The following PICALM variants were observed in gnomAD, a reference collection of about 807,000 sequenced individuals.
The protein encoded by PICALM is phosphatidylinositol binding clathrin assembly protein, also known as phosphatidylinositol-binding clathrin assembly protein.
A neutral mutation model predicts 80.5 loss-of-function variants in PICALM; 40 were observed. The observed-to-expected ratio is 0.50, with a 90% CI of 0.39 to 0.65. The LOEUF is 0.65. Ranked by LOEUF, PICALM falls within the 30% of genes least tolerant of loss-of-function variation. The probability of loss-of-function intolerance (pLI) is 0.00; values close to 1 mark genes in which losing one functional copy is unlikely to be tolerated. For missense variants in PICALM, 676 were observed against 778.9 expected, an observed-to-expected ratio of 0.87 and a Z score of 1.57; for synonymous variants, 288 against 260.3, an observed-to-expected ratio of 1.11 and a Z score of -1.02.
chr11:86,038,058 G>A (rs1486344577), intron 1 of PICALM, among the ~76,000 whole-genome samples: 2 of 152,220 alleles, frequency 1.3e-5, no homozygotes, highest in Admixed American at 6.5e-5. Context: ...GGAGGCTTAC[G>A]CCTATAATCC....
At position 85,958,476 on chromosome 11, in the gene PICALM, T is replaced by C. The variant is rs1456060240; in HGVS notation, c.*570A>G. 1 of 209,258 alleles carries C rather than the reference T, an allele frequency of 4.8e-6. No homozygotes were observed. Among genetic ancestry groups the C allele is most frequent in the Non-Finnish European group, 9.7e-6 (1 of 102,774 alleles). The allele number at this position is 209,258 out of a possible 1,614,324, so 13.0% of individuals were successfully genotyped here. ...AGGAGGTCTGATACAATATTAATGT[T>C]ATGTAAAATTGATAATCATAAATAA... On this transcript the variant is annotated 3_prime_UTR_variant, in exon 20 of 20. Transcript: ENST00000393346.
At chr11:85,994,455 G>A (rs867532779) in intron 12 of PICALM, among the ~76,000 whole-genome samples, 26 of 152,092 alleles carry the variant, frequency 1.7e-4, no homozygotes, top group African/African-American at 4.8e-4. Context: ...TCTATGACTA[G>A]GAATGCGCAT....
At chr11:86,023,265 C>T (rs187880340) in intron 3 of PICALM, among the ~76,000 whole-genome samples, 32 of 152,078 alleles carry the variant, frequency 2.1e-4, no homozygotes, top group African/African-American at 7.0e-4. Flanking sequence ...AAAGACAATA[C>T]CAAAACCAAC....
intron 7 of PICALM, among the ~76,000 whole-genome samples, chr11:86,010,298 C>A (rs2095369101): frequency 6.6e-6 from 1 of 151,610 alleles, no homozygotes; most frequent in African/African-American, 2.4e-5. Context: ...ATAATAAATA[C>A]ACAAAATCCA....
intron 19 of PICALM, among the ~76,000 whole-genome samples, chr11:85,964,843 C>A (rs1490534883): frequency 6.6e-6 from 1 of 152,166 alleles, no homozygotes; most frequent in Non-Finnish European, 1.5e-5. Flanking sequence ...CTAAAGTGTG[C>A]AAAATTAAAA....
In PICALM at chr11:86,057,553, T is replaced by TATAA. The variant is rs571649995; in HGVS notation, c.130+11094_130+11097dup. Among the ~76,000 whole-genome samples, 153 of 148,782 alleles carry TATAA rather than the reference T, an allele frequency of 1.0e-3. 1 individual carries two copies. Among genetic ancestry groups the TATAA allele is most frequent in the Middle Eastern group, 3.4e-3 (1 of 290 alleles). ...ACTCCATCTCAAAAACAAACAAACATATAAATAAATAAATAAATAATGAAT... is the reference window on the plus strand; with the variant it reads ...ACTCCATCTCAAAAACAAACAAACATATAAATAAATAAATAAATAAATAATGAAT... On this transcript the variant is annotated intron_variant, in intron 1 of 19. Coordinates refer to ENST00000393346, the MANE Select transcript of PICALM (RefSeq NM_007166.4).
chr11:86,049,523 TG>T (rs1218218329), intron 1 of PICALM, among the ~76,000 whole-genome samples: 1 of 152,138 alleles, frequency 6.6e-6, no homozygotes, highest in African/African-American at 2.4e-5. Context: ...AACTGTTAAT[TG>T]GAGAAATTCA....
At chr11:85,972,881 G>A (rs2094153403) in intron 19 of PICALM, among the ~76,000 whole-genome samples, 1 of 152,096 alleles carries the variant, frequency 6.6e-6, no homozygotes, top group Non-Finnish European at 1.5e-5. Flanking sequence ...AACAGATAGG[G>A]AAATCATCCA....
rs1490789896 is a variant in PICALM, at chr11:85,957,790, T to TGG, written c.*1255_*1256insCC. On this transcript the variant is annotated 3_prime_UTR_variant, in exon 20 of 20. Coordinates refer to ENST00000393346, the MANE Select transcript of PICALM (RefSeq NM_007166.4). ...GCAGAGACAATGCAACAAGAATGCTTAAACTCATGTACAGAATTGCTTTCC... is the reference window on the plus strand; with the variant it reads ...GCAGAGACAATGCAACAAGAATGCTTGGAAACTCATGTACAGAATTGCTTTCC... 1 of 218,942 alleles carries TGG rather than the reference T, an allele frequency of 4.6e-6. No homozygotes were observed. The highest frequency in any genetic ancestry group is 9.2e-6 in the Non-Finnish European group (1 of 108,836). The allele number at this position is 218,942 out of a possible 1,614,324, so 13.6% of individuals were successfully genotyped here.
chr11:85,990,201 T>A (rs747386350), intron 13 of PICALM, 49 bp downstream of exon 13: 20 of 1,061,174 alleles, frequency 1.9e-5, no homozygotes, highest in African/African-American at 7.9e-5. Context: ...TAAAATATAG[T>A]TAGGCAGTAT....
At position 86,056,135 on chromosome 11, in the gene PICALM, T is replaced by TA. The variant is rs763444775; in HGVS notation, c.130+12515dup. 5.3e-3 allele frequency among the ~76,000 whole-genome samples: 617 copies of TA among 117,378 alleles called. 27 individuals are homozygous for TA. The highest frequency in any genetic ancestry group is 0.016 in the East Asian group (70 of 4,514). The allele number at this position is 117,378 out of a possible 152,430, so 77.0% of individuals were successfully genotyped here. A position where few individuals can be genotyped will look rare whatever the true frequency, so the allele number is the denominator to read the frequency against. ...GGGTGACAGAACAAGACTCTGTCTT[T>TA]AAAAAAAAAAAAAAAGAAAAAACCC... On this transcript the variant is annotated intron_variant, in intron 1 of 19. Transcript: ENST00000393346.
At chr11:86,050,494 T>C (rs986006669) in intron 1 of PICALM, among the ~76,000 whole-genome samples, 2 of 152,150 alleles carry the variant, frequency 1.3e-5, no homozygotes, top group Non-Finnish European at 2.9e-5. Flanking sequence ...CAATTCCCCA[T>C]TCTACAATAC....
chr11:86,054,798 G>C (rs1002900371), intron 1 of PICALM, among the ~76,000 whole-genome samples: 1 of 151,800 alleles, frequency 6.6e-6, no homozygotes, highest in Admixed American at 6.6e-5. Flanking sequence ...TTTTTGAGAC[G>C]GAGTTTCACT....
At chr11:86,042,503 C>T (rs1190453336) in intron 1 of PICALM, among the ~76,000 whole-genome samples, 1 of 151,928 alleles carries the variant, frequency 6.6e-6, no homozygotes, top group Admixed American at 6.6e-5. Flanking sequence ...CTTTGAAGAT[C>T]TTAAATTTCA....
At chr11:86,047,493 C>T (rs113849190) in intron 1 of PICALM, among the ~76,000 whole-genome samples, 2 of 152,260 alleles carry the variant, frequency 1.3e-5, no homozygotes, top group South Asian at 2.1e-4. Context: ...TTAAAGAAGC[C>T]AAGAATGTCA....
chr11:86,064,083 A>G (rs1163792224), intron 1 of PICALM, among the ~76,000 whole-genome samples: 1 of 152,240 alleles, frequency 6.6e-6, no homozygotes, highest in Non-Finnish European at 1.5e-5. Context: ...GAATTAATTC[A>G]GGTACAGTCT....
intron 1 of PICALM, among the ~76,000 whole-genome samples, chr11:86,058,109 T>A (rs2096298603): frequency 6.6e-6 from 1 of 152,200 alleles, no homozygotes. Flanking sequence ...CACCCGCTAT[T>A]TATTTTTTGC....
intron 1 of PICALM, 107 bp from the exon 2 acceptor site, chr11:86,031,718 G>A (rs997496709): frequency 1.3e-6 from 1 of 751,176 alleles, no homozygotes; most frequent in Non-Finnish European, 2.1e-6. Flanking sequence ...AAGTGGAGCA[G>A]TAATAGTTTG....
intron 13 of PICALM, among the ~76,000 whole-genome samples, chr11:85,987,211 T>C (rs1215738416): frequency 2.0e-5 from 3 of 152,210 alleles, no homozygotes; most frequent in Non-Finnish European, 2.9e-5. Context: ...ACATAAACCC[T>C]ATGACATAGT....
Sources: gnomAD v4.1 joint callset for allele counts (sites outside exome capture counted in the v4.1 genomes callset) on GRCh38, gnomAD v4.1.1 for gene constraint, MANE v1.5 for transcripts, NCBI Gene and HGNC (gene_info 2026-07-23, HGNC 2026-07-21) for gene names.